The following RAB39A variants were observed in gnomAD, a reference collection of about 807,000 sequenced individuals.
RAB39A encodes the protein ras-related protein Rab-39A.
RAB39A carries 17 observed loss-of-function variants against 20.9 expected under a neutral mutation model. The observed-to-expected ratio is 0.81, with a 90% CI of 0.56 to 1.22. The LOEUF is 1.22. RAB39A is among the 50% of genes most tolerant of loss of function. The pLI is 0.00. For synonymous variants in RAB39A, 99 were observed against 103.4 expected, an observed-to-expected ratio of 0.96 and a Z score of 0.26; for missense variants, 234 against 270.5, an observed-to-expected ratio of 0.87 and a Z score of 0.95.
At chr11:107,950,697 TA>T (rs1184069721) in intron 1 of RAB39A, among the ~76,000 whole-genome samples, 1 of 144,004 alleles carries the variant, frequency 6.9e-6, no homozygotes. Context: ...GCCTGGGAGG[TA>T]AAGGTTGCAG....
chr11:107,939,784 T>A (rs1861241472), intron 1 of RAB39A, among the ~76,000 whole-genome samples: 1 of 152,106 alleles, frequency 6.6e-6, no homozygotes, highest in African/African-American at 2.4e-5. Context: ...GGCTGATGGG[T>A]GTTGGAATTT....
At chr11:107,930,938 C>A (rs919754683) in intron 1 of RAB39A, among the ~76,000 whole-genome samples, 3 of 151,434 alleles carry the variant, frequency 2.0e-5, no homozygotes, top group African/African-American at 7.3e-5. Context: ...CTTTAAAGAC[C>A]TTTCTGCTAA....
chr11:107,940,389 G>A (rs1787721781), intron 1 of RAB39A, among the ~76,000 whole-genome samples: 2 of 151,406 alleles, frequency 1.3e-5, no homozygotes, highest in African/African-American at 4.9e-5. Context: ...TCAGCCTCCC[G>A]AGTAGCTGGG....
At chr11:107,945,382 A>T (rs1299156262) in intron 1 of RAB39A, among the ~76,000 whole-genome samples, 1 of 149,912 alleles carries the variant, frequency 6.7e-6, no homozygotes, top group Non-Finnish European at 1.5e-5. Flanking sequence ...ATCTGTGTCT[A>T]TTTTAGCTTT....
At chr11:107,947,206 A>G (rs1319628904) in intron 1 of RAB39A, among the ~76,000 whole-genome samples, 2 of 151,834 alleles carry the variant, frequency 1.3e-5, no homozygotes. Context: ...GGTTCACACC[A>G]TTCTCCTGCC....
Position 107,962,684 on chromosome 11 carries a change from G to T in RAB39A, c.*312G>T. 4.5e-6 allele frequency: 1 copy of T among 220,882 alleles called. No individual in the cohort carries two copies. Among genetic ancestry groups the T allele is most frequent in the Non-Finnish European group, 9.0e-6 (1 of 111,238 alleles). 13.7% of individuals were successfully genotyped at this position (220,882 alleles called of 1,614,324 possible). ...ACTCATTTTTCTTGACAGTTCAAAT[G>T]GATTTTTGTGCATATATAGTCAATT... On this transcript the variant is annotated 3_prime_UTR_variant, in exon 2 of 2. Transcript: ENST00000320578.
At chr11:107,939,520 G>A (rs1861238150) in intron 1 of RAB39A, among the ~76,000 whole-genome samples, 1 of 150,170 alleles carries the variant, frequency 6.7e-6, no homozygotes, top group African/African-American at 2.5e-5. Flanking sequence ...TGAGGCAGGA[G>A]AATGGCGTGA....
chr11:107,952,503 C>T (rs993957961), intron 1 of RAB39A, among the ~76,000 whole-genome samples: 1 of 150,084 alleles, frequency 6.7e-6, no homozygotes, highest in African/African-American at 2.5e-5. Flanking sequence ...ATCACTTGAA[C>T]CCAGGAGGTG....
chr11:107,933,363 C>T lies in RAB39A; in HGVS notation c.227+4568C>T, dbSNP rs866211912. Among the ~76,000 whole-genome samples the T allele has an allele frequency of 2.8e-3, 290 of 102,674 alleles. 6 individuals carry two copies. Among genetic ancestry groups the T allele is most frequent in the Middle Eastern group, 5.7e-3 (1 of 176 alleles). The allele number at this position is 102,674 out of a possible 152,430, so 67.4% of individuals were successfully genotyped here. A position where few individuals can be genotyped will look rare whatever the true frequency, so the allele number is the denominator to read the frequency against. On this transcript the variant is annotated intron_variant, in intron 1 of 1. Transcript: ENST00000320578. ...TGTGTGTGTGTGTATTTCTTTCCTT[C>T]TTTTTTATTCTTTCTTTTTTTTTTT...
intron 1 of RAB39A, among the ~76,000 whole-genome samples, chr11:107,939,908 C>T (rs184583089): frequency 1.6e-3 from 239 of 152,126 alleles, no homozygotes; most frequent in African/African-American, 4.7e-3. Context: ...CATGGATCAC[C>T]GCAGTGAAGT....
At chr11:107,935,112 G>A (rs1168577427) in intron 1 of RAB39A, among the ~76,000 whole-genome samples, 2 of 152,030 alleles carry the variant, frequency 1.3e-5, no homozygotes, top group African/African-American at 4.8e-5. Context: ...TACTGTTACA[G>A]GAAAGGGGTC....
At chr11:107,945,292 G>A (rs1214403313) in intron 1 of RAB39A, among the ~76,000 whole-genome samples, 1 of 131,212 alleles carries the variant, frequency 7.6e-6, no homozygotes, top group Non-Finnish European at 1.5e-5. Flanking sequence ...AGGCCAGCCT[G>A]GCAACACAGC....
intron 1 of RAB39A, among the ~76,000 whole-genome samples, chr11:107,959,443 G>C (rs1591250058): frequency 6.6e-6 from 1 of 152,174 alleles, no homozygotes; most frequent in African/African-American, 2.4e-5. Flanking sequence ...TATAGCAACT[G>C]CATTATTCAT....
chr11:107,962,234 G>A lies in RAB39A; in HGVS notation c.516G>A (p.Thr172=), dbSNP rs759971573. 16 of 1,613,816 alleles carry A rather than the reference G, an allele frequency of 9.9e-6. No individual in the cohort carries two copies. The highest frequency in any genetic ancestry group is 6.6e-5 in the South Asian group (6 of 91,064). ...TTGAAGAATCCTTCACAATCTTGAC[G>A]AGAGACATATATGAACTTATTAAAA... ...TNVEESFTIL[T]RDIYELIKKG... Residue 172 remains threonine, a synonymous_variant, in exon 2 of 2, where the codon ACG becomes ACA. Coordinates refer to ENST00000320578, the MANE Select transcript of RAB39A (RefSeq NM_017516.3).
chr11:107,930,352 T>G (rs556731007), intron 1 of RAB39A, among the ~76,000 whole-genome samples: 29 of 152,312 alleles, frequency 1.9e-4, no homozygotes, highest in African/African-American at 5.3e-4. Flanking sequence ...TCTAAGTTGA[T>G]TGCCAATTCC....
intron 1 of RAB39A, among the ~76,000 whole-genome samples, chr11:107,947,162 C>T (rs1347940055): frequency 6.6e-6 from 1 of 151,808 alleles, no homozygotes; most frequent in Non-Finnish European, 1.5e-5. Flanking sequence ...AGTGCAGTGG[C>T]GTGATCTCGG....
chr11:107,960,201 C>T (rs761739728), intron 1 of RAB39A, among the ~76,000 whole-genome samples: 1 of 142,316 alleles, frequency 7.0e-6, no homozygotes, highest in Admixed American at 6.9e-5. Context: ...CAGAGCAAGA[C>T]TCCATCTCAA....
chr11:107,952,518 T>C (rs1478912549), intron 1 of RAB39A, among the ~76,000 whole-genome samples: 1 of 150,968 alleles, frequency 6.6e-6, no homozygotes, highest in African/African-American at 2.4e-5. Context: ...GAGGTGGAGG[T>C]TGCAGTAAGC....
chr11:107,960,043 C>T (rs538644585), intron 1 of RAB39A, among the ~76,000 whole-genome samples: 21 of 152,054 alleles, frequency 1.4e-4, no homozygotes, highest in Non-Finnish European at 3.1e-4. Flanking sequence ...AACCCTGTCT[C>T]CACTAAAAAT....
Sources: allele counts gnomAD v4.1 joint callset (sites outside exome capture counted in the v4.1 genomes callset), GRCh38; gene constraint gnomAD v4.1.1; transcripts MANE v1.5; gene names NCBI Gene and HGNC (gene_info 2026-07-23, HGNC 2026-07-21).